UBE3D: variants seen among roughly 807,000 people sequenced by gnomAD.
The protein encoded by UBE3D is ubiquitin protein ligase E3D, also known as E3 ubiquitin-protein ligase E3D.
Under a neutral mutation model 49.6 loss-of-function variants are expected in UBE3D, and 48 were observed. The ratio of observed to expected loss-of-function variants is 0.97; its 90% CI spans 0.77 to 1.23. UBE3D has a LOEUF of 1.23. Among genes scored for constraint, UBE3D ranks in the 50% most tolerant of loss-of-function variants. The probability of loss-of-function intolerance (pLI) is 0.00; values close to 1 mark genes in which losing one functional copy is unlikely to be tolerated. For synonymous variants in UBE3D, 189 were observed against 174.2 expected (o/e 1.08, Z -0.67); for missense variants, 452 against 468.4 (o/e 0.96, Z 0.32).
chr6:82,894,241 G>A (rs540492465), intron 9 of UBE3D, among the ~76,000 whole-genome samples: 1 of 152,090 alleles, frequency 6.6e-6, no homozygotes, highest in African/African-American at 2.4e-5. Flanking sequence ...CGTTCCATGG[G>A]GGTTCGGACC....
intron 4 of UBE3D, among the ~76,000 whole-genome samples, chr6:83,039,965 C>G (rs575110133): frequency 5.9e-5 from 9 of 152,102 alleles, no homozygotes; most frequent in African/African-American, 2.2e-4. Context: ...AAATGAAATA[C>G]AATAGAACAG....
At chr6:83,049,361 TCTGA>T (rs1562227609) in intron 3 of UBE3D, among the ~76,000 whole-genome samples, 3 of 152,198 alleles carry the variant, frequency 2.0e-5, no homozygotes, top group Non-Finnish European at 2.9e-5. Flanking sequence ...GGTGACATTC[TCTGA>T]CTGGCAGGCC....
At chr6:82,884,580 C>T in the UBE3D span, among the ~76,000 whole-genome samples, 1 of 152,126 alleles carries the variant, frequency 6.6e-6, no homozygotes, top group Non-Finnish European at 1.5e-5. Flanking sequence ...ACACAGGTTA[C>T]TCAAATATTA....
At chr6:83,059,299 A>G (rs900489630) in intron 1 of UBE3D, among the ~76,000 whole-genome samples, 1 of 152,132 alleles carries the variant, frequency 6.6e-6, no homozygotes, top group Non-Finnish European at 1.5e-5. Flanking sequence ...TGAGATGGGG[A>G]GGATCACTTA....
intron 9 of UBE3D, among the ~76,000 whole-genome samples, chr6:82,907,016 G>A (rs75600227): frequency 0.029 from 4,422 of 152,248 alleles, 94 homozygotes; most frequent in Non-Finnish European, 0.044. Flanking sequence ...GATCTTTCTA[G>A]ATAGAGAACT....
At chr6:83,051,157 C>G (rs1783443213) in intron 3 of UBE3D, among the ~76,000 whole-genome samples, 2 of 152,186 alleles carry the variant, frequency 1.3e-5, no homozygotes, top group Admixed American at 1.3e-4. Context: ...CTTTAACTCT[C>G]TTGACAAGTT....
intron 8 of UBE3D, among the ~76,000 whole-genome samples, chr6:82,974,133 C>A (rs1182988660): frequency 1.3e-5 from 2 of 152,064 alleles, no homozygotes; most frequent in Non-Finnish European, 2.9e-5. Context: ...AAAGGAATGG[C>A]AAAAATTGCA....
At chr6:82,886,821 C>T in the UBE3D span, among the ~76,000 whole-genome samples, 1 of 152,136 alleles carries the variant, frequency 6.6e-6, no homozygotes, top group Non-Finnish European at 1.5e-5. Flanking sequence ...GCCACTATTT[C>T]GTTTCTTCTT....
chr6:82,919,099 A>C (rs293496), intron 9 of UBE3D, among the ~76,000 whole-genome samples: 102,184 of 151,788 alleles, frequency 0.67, 34,871 homozygotes, highest in East Asian at 0.79. Context: ...CTTCCTCTTC[A>C]CCCATGTTTA....
chr6:82,917,492 G>A (rs532819517), intron 9 of UBE3D, among the ~76,000 whole-genome samples: 34 of 152,334 alleles, frequency 2.2e-4, no homozygotes, highest in Middle Eastern at 3.4e-3. Context: ...GCTACATGCC[G>A]ATAGGGAAGG....
At chr6:82,953,273 G>A (rs1335048754) in intron 9 of UBE3D, among the ~76,000 whole-genome samples, 1 of 152,192 alleles carries the variant, frequency 6.6e-6, no homozygotes, top group Non-Finnish European at 1.5e-5. Context: ...CTGTGGTACT[G>A]TGGTCTCCAG....
intron 8 of UBE3D, among the ~76,000 whole-genome samples, chr6:83,012,234 A>C (rs1464378332): frequency 2.6e-5 from 4 of 152,140 alleles, no homozygotes; most frequent in Admixed American, 2.6e-4. Context: ...GGATAGGCAA[A>C]TCCATATCCA....
chr6:83,044,805 C>T, intron 3 of UBE3D, 146 bp from the exon 4 acceptor site: 1 of 670,054 alleles, frequency 1.5e-6, no homozygotes, highest in Admixed American at 3.0e-5. Flanking sequence ...GTAATATATA[C>T]TCACTACAGC....
intron 8 of UBE3D, among the ~76,000 whole-genome samples, chr6:82,980,374 GTA>G (rs1286798787): frequency 6.6e-6 from 1 of 151,814 alleles, no homozygotes; most frequent in Non-Finnish European, 1.5e-5. Flanking sequence ...TTGAACATTG[GTA>G]TGTCTTTTGA....
chr6:82,937,073 CA>C (rs1373920323), intron 9 of UBE3D, among the ~76,000 whole-genome samples: 1 of 152,146 alleles, frequency 6.6e-6, no homozygotes, highest in African/African-American at 2.4e-5. Context: ...GAGCAAGGAC[CA>C]AAGGGACAAT....
chr6:83,065,138 A>C (rs1784413519), intron 1 of UBE3D, among the ~76,000 whole-genome samples: 1 of 152,214 alleles, frequency 6.6e-6, no homozygotes, highest in Non-Finnish European at 1.5e-5. Flanking sequence ...CACTAAACTC[A>C]CGTTTATTGA....
intron 9 of UBE3D, among the ~76,000 whole-genome samples, chr6:82,945,142 C>T (rs1459240265): frequency 6.6e-6 from 1 of 152,202 alleles, no homozygotes; most frequent in Non-Finnish European, 1.5e-5. Context: ...GTATTGGTTA[C>T]AGTGGACACT....
Position 83,054,240 on chromosome 6 carries a change from T to G in UBE3D, c.275-2A>C, listed in dbSNP as rs1423864361. 6.2e-7 allele frequency: 1 copy of G among 1,611,674 alleles called. No homozygotes were observed. The highest frequency in any genetic ancestry group is 8.5e-7 in the Non-Finnish European group (1 of 1,177,922). On this transcript the variant is annotated splice_acceptor_variant, in intron 2 of 9. Transcript: ENST00000369747. LOFTEE classifies it high-confidence loss of function. Reference sequence around the variant, plus strand: ...TTTGATTAAACATTGAAATCAGTTCTAAAGGAAGTCAATGAAATAGCTAAT... The same window carrying G: ...TTTGATTAAACATTGAAATCAGTTCGAAAGGAAGTCAATGAAATAGCTAAT...
At chr6:82,942,589 C>T (rs1024183299) in intron 9 of UBE3D, among the ~76,000 whole-genome samples, 3 of 152,226 alleles carry the variant, frequency 2.0e-5, no homozygotes, top group African/African-American at 4.8e-5. Flanking sequence ...CTATTCAGCT[C>T]CAGCCATGGC....
Sources: gnomAD v4.1 joint callset for allele counts (sites outside exome capture counted in the v4.1 genomes callset) on GRCh38, gnomAD v4.1.1 for gene constraint, MANE v1.5 for transcripts, NCBI Gene and HGNC (gene_info 2026-07-23, HGNC 2026-07-21) for gene names.